The following SLC6A5 variants were observed in gnomAD, a reference collection of about 807,000 sequenced individuals.
SLC6A5 encodes solute carrier family 6 member 5, also known as sodium- and chloride-dependent glycine transporter 2.
Under a neutral mutation model 90.5 loss-of-function variants are expected in SLC6A5, and 58 were observed. The ratio of observed to expected loss-of-function variants is 0.64; its 90% CI spans 0.52 to 0.80. The LOEUF (loss-of-function observed/expected upper bound fraction) is 0.80, where lower values mean the gene tolerates loss of function less well. SLC6A5 is among the 30% of genes least tolerant of loss of function. The pLI, the probability that SLC6A5 is intolerant of heterozygous loss-of-function variation, is 0.00. For missense variants in SLC6A5, 1,015 were observed against 1,017.6 expected (o/e 1.00, Z 0.03); for synonymous variants, 427 against 401.4 (o/e 1.06, Z -0.76).
chr11:20,646,713 A>G (rs1224193201), intron 13 of SLC6A5, 121 bp from the exon 14 acceptor site: 2 of 733,454 alleles, frequency 2.7e-6, no homozygotes, highest in African/African-American at 3.5e-5. Flanking sequence ...TCATGTTGAT[A>G]CAGGGCTGGG....
chr11:20,603,316 T>TC (rs1565270752), intron 2 of SLC6A5, among the ~76,000 whole-genome samples: 1 of 152,058 alleles, frequency 6.6e-6, no homozygotes, highest in African/African-American at 2.4e-5. Flanking sequence ...TGGGGTGGTC[T>TC]CCCCCCATTT....
Position 20,638,518 on chromosome 11 carries a change from C to T in SLC6A5, c.1929C>T (p.Ile643=), listed in dbSNP as rs774551994. The T allele has an allele frequency of 1.2e-5, 19 of 1,613,082 alleles. No individual in the cohort carries two copies. The highest frequency in any genetic ancestry group is 1.7e-5 in the Admixed American group (1 of 59,992). ...DTYAASYALV[I]IAIFELVGIS... ...ATGCTGCCTCCTATGCCCTTGTCATCATTGCCATTTTTGAGCTCGTGGGGA... is the reference window on the plus strand; with the variant it reads ...ATGCTGCCTCCTATGCCCTTGTCATTATTGCCATTTTTGAGCTCGTGGGGA... The change falls in exon 13 of 16, where the codon ATC becomes ATT. Residue 643 remains isoleucine, a synonymous_variant. Transcript: ENST00000525748.
chr11:20,654,767 C>A lies in SLC6A5; in HGVS notation c.2293C>A (p.His765Asn), dbSNP rs762850669. Residue 765 changes from histidine (H) to asparagine (N), a missense_variant, in exon 16 of 16, where the codon CAC (histidine) becomes AAC (asparagine). His to Asn is a moderately conservative substitution (Grantham distance 68). This residue lies in a region of SLC6A5 where 442 missense variants were observed against 494.3 expected (regional missense o/e 0.89). Transcript: ENST00000525748. The part of the protein sequence containing the change: ...QPDWGPFLAQ[H>N]RGERYKNMID... ...GGACTGGGGCCCATTCTTAGCTCAA[C>A]ACCGCGGGGAGCGTTACAAGAACAT... 100 of 1,614,164 alleles carry A rather than the reference C, an allele frequency of 6.2e-5. 2 individuals are homozygous for A. The South Asian group carries it at 9.9e-4, about 16-fold the overall frequency.
At chr11:20,632,478 C>G (rs571506895) in intron 10 of SLC6A5, among the ~76,000 whole-genome samples, 48 of 152,220 alleles carry the variant, frequency 3.2e-4, no homozygotes, top group African/African-American at 1.2e-3. Flanking sequence ...TTTCTCCTTT[C>G]CAATGTTTTT....
intron 15 of SLC6A5, among the ~76,000 whole-genome samples, chr11:20,653,284 G>A (rs1008983100): frequency 6.6e-6 from 1 of 152,194 alleles, no homozygotes; most frequent in African/African-American, 2.4e-5. Flanking sequence ...CTGAGAACTT[G>A]TTGGAAATGC....
In SLC6A5 at chr11:20,601,266, G is replaced by T. The variant is rs1329197322; in HGVS notation, c.141G>T (p.Pro47=). ...AGCTTCCCGCGGCTGCCGCCCCGCC[G>T]CCGCCACGTGTGCCCAGGTCCGCTT... is the stretch of plus-strand genomic sequence containing the variant. ...EQELPAAAAP[P]PPRVPRSAST... The change falls in exon 2 of 16, where the codon CCG becomes CCT. Residue 47 remains proline (P), a synonymous_variant. Coordinates refer to ENST00000525748, the MANE Select transcript of SLC6A5 (RefSeq NM_004211.5). 1.3e-6 allele frequency: 2 copies of T among 1,584,618 alleles called. No homozygotes were observed. Among genetic ancestry groups the T allele is most frequent in the Non-Finnish European group, 1.7e-6 (2 of 1,172,616 alleles).
rs1590169793 is a variant in SLC6A5 at position 20,628,089 on chromosome 11, T to C, written c.1499+6T>C. On this transcript the variant is annotated splice_donor_region_variant and intron_variant, in intron 9 of 15. Transcript: ENST00000525748. ...TTCCACAACAACTGCTACAGGTATGTAGAGGTACTACAAGATCTGGGCATA... is the reference window on the plus strand; with the variant it reads ...TTCCACAACAACTGCTACAGGTATGCAGAGGTACTACAAGATCTGGGCATA... 6.2e-7 allele frequency: 1 copy of C among 1,605,644 alleles called. No homozygotes were observed. The highest frequency in any genetic ancestry group is 8.5e-7 in the Non-Finnish European group (1 of 1,172,320).
At chr11:20,624,092 ATAAG>A (rs896160226) in intron 7 of SLC6A5, among the ~76,000 whole-genome samples, 74 of 151,288 alleles carry the variant, frequency 4.9e-4, no homozygotes, top group African/African-American at 1.7e-3. Context: ...AAATATATAT[ATAAG>A]TATGTATATT....
In SLC6A5 at chr11:20,601,436, A is replaced by T. The variant is rs766722830; in HGVS notation, c.311A>T (p.Gln104Leu). The change falls in exon 2 of 16, where the codon CAG becomes CTG. Residue 104 changes from glutamine (Q) to leucine (L), a missense_variant. Physicochemically the swap from Gln to Leu is moderately radical, Grantham distance 113. Around this residue, in one of 3 missense-constraint regions of SLC6A5, gnomAD observed 567 missense variants for 507.3 expected, o/e 1.12. Coordinates refer to ENST00000525748, the MANE Select transcript of SLC6A5 (RefSeq NM_004211.5). ...LRDLREAQGAQASPPPGSSGP... is the reference protein window; with the variant it reads ...LRDLREAQGALASPPPGSSGP... ...GACTTGAGAGAGGCGCAAGGCGCGC[A>T]GGCCTCGCCCCCTCCCGGGAGCTCC... The T allele has an allele frequency of 8.1e-6, 13 of 1,606,818 alleles. No homozygotes were observed. The highest frequency in any genetic ancestry group is 1.1e-5 in the Non-Finnish European group (13 of 1,176,864).
chr11:20,656,805 T>G lies in SLC6A5; in HGVS notation c.*1937T>G, dbSNP rs1055759692. 1 of 152,132 alleles carries G rather than the reference T, an allele frequency of 6.6e-6. No homozygotes were observed. Among genetic ancestry groups the G allele is most frequent in the Non-Finnish European group, 1.5e-5 (1 of 68,032 alleles). 9.4% of individuals were successfully genotyped at this position (152,132 alleles called of 1,614,324 possible). A position where few individuals can be genotyped will look rare whatever the true frequency, so the allele number is the denominator to read the frequency against. On this transcript the variant is annotated 3_prime_UTR_variant, in exon 16 of 16. Transcript: ENST00000525748. Reference sequence around the variant, plus strand: ...TATCATAGAGACTAAACCTTGAGCTTCCCCTAAACTTAGCTTTAGGAAGCT... The same window carrying G: ...TATCATAGAGACTAAACCTTGAGCTGCCCCTAAACTTAGCTTTAGGAAGCT...
At position 20,659,064 on chromosome 11, in the gene SLC6A5, T is replaced by G. The variant is rs1159788698; in HGVS notation, c.*4196T>G. The G allele has an allele frequency of 1.4e-5, 2 of 143,908 alleles. No homozygotes were observed. Among genetic ancestry groups the G allele is most frequent in the African/African-American group, 5.2e-5 (2 of 38,234 alleles). The allele number at this position is 143,908 out of a possible 1,614,324, so 8.9% of individuals were successfully genotyped here. ...TTACAAATGATGCATCATATATATATATATATATATATATATATCTTATAG... is the reference window on the plus strand; with the variant it reads ...TTACAAATGATGCATCATATATATAGATATATATATATATATATCTTATAG... On this transcript the variant is annotated 3_prime_UTR_variant, in exon 16 of 16. Coordinates refer to ENST00000525748, the MANE Select transcript of SLC6A5 (RefSeq NM_004211.5).
At chr11:20,604,075 T>C (rs150199697) in intron 2 of SLC6A5, among the ~76,000 whole-genome samples, 2 of 152,242 alleles carry the variant, frequency 1.3e-5, no homozygotes, top group African/African-American at 4.8e-5. Flanking sequence ...ACCTGCTTGC[T>C]GATTGACTCT....
At chr11:20,604,512 C>A in intron 3 of SLC6A5, 88 bp downstream of exon 3, 2 of 1,528,418 alleles carry the variant, frequency 1.3e-6, no homozygotes, top group Non-Finnish European at 8.9e-7. Context: ...GCAGGGCCGC[C>A]GGGCGGGGAG....
Position 20,604,329 on chromosome 11 carries a change from C to G in SLC6A5, c.584C>G (p.Ser195Cys). 6.2e-7 allele frequency: 1 copy of G among 1,613,946 alleles called. No individual in the cohort carries two copies. Among genetic ancestry groups the G allele is most frequent in the Non-Finnish European group, 8.5e-7 (1 of 1,179,882 alleles). ...GAGAATAAGGCCCGAGGGAACTGGT[C>G]CAGCAAACTGGACTTCATCCTGTCC... is the stretch of plus-strand genomic sequence containing the variant. Reference protein sequence around the residue: ...GDENKARGNWSSKLDFILSMV... With the variant: ...GDENKARGNWCSKLDFILSMV... Residue 195 changes from serine (S) to cysteine (C), a missense_variant, in exon 3 of 16, where the codon TCC becomes TGC. Ser to Cys is a moderately radical substitution (Grantham distance 112). Around this residue, in one of 3 missense-constraint regions of SLC6A5, gnomAD observed 567 missense variants for 507.3 expected, o/e 1.12. Coordinates refer to ENST00000525748, the MANE Select transcript of SLC6A5 (RefSeq NM_004211.5).
In SLC6A5 at chr11:20,614,562, G is replaced by T. The variant is rs563495935; in HGVS notation, c.986-117G>T. 207 of 929,014 alleles carry T rather than the reference G, an allele frequency of 2.2e-4. 1 individual carries two copies. In the Middle Eastern group the frequency reaches 3.4e-3, roughly 15 times the overall value. 57.5% of individuals were successfully genotyped at this position (929,014 alleles called of 1,614,324 possible). A position where few individuals can be genotyped will look rare whatever the true frequency, so the allele number is the denominator to read the frequency against. On this transcript the variant is annotated intron_variant, in intron 5 of 15. Coordinates refer to ENST00000525748, the MANE Select transcript of SLC6A5 (RefSeq NM_004211.5). Reference sequence around the variant, plus strand: ...TTGCCCAGTTAATCCTTTCCTGAAGGTACTCTCCAATATTTGCAAATGTTT... The same window carrying T: ...TTGCCCAGTTAATCCTTTCCTGAAGTTACTCTCCAATATTTGCAAATGTTT...
intron 5 of SLC6A5, among the ~76,000 whole-genome samples, chr11:20,613,293 G>A (rs1034691482): frequency 1.3e-5 from 2 of 152,180 alleles, no homozygotes; most frequent in Non-Finnish European, 2.9e-5. Flanking sequence ...TGCCATAAAC[G>A]TGGTAACTGC....
At chr11:20,607,678 G>A (rs749692694) in intron 5 of SLC6A5, 26 bp downstream of exon 5, 3 of 1,579,980 alleles carry the variant, frequency 1.9e-6, no homozygotes, top group Middle Eastern at 1.7e-4. Context: ...CCTGCTTTAG[G>A]TGTGTGTATT....
chr11:20,625,090 G>A (rs1031485830), intron 7 of SLC6A5, among the ~76,000 whole-genome samples: 6 of 152,142 alleles, frequency 3.9e-5, no homozygotes, highest in African/African-American at 7.2e-5. Flanking sequence ...ACCCAGGCTC[G>A]TGGGACTGCA....
intron 14 of SLC6A5, among the ~76,000 whole-genome samples, chr11:20,647,481 CTATATA>C (rs1216826749): frequency 7.1e-6 from 1 of 141,808 alleles, no homozygotes; most frequent in African/African-American, 2.7e-5. Flanking sequence ...ATATCAGTTC[CTATATA>C]TATATATAAA....
Sources: gnomAD v4.1 joint callset for allele counts (sites outside exome capture counted in the v4.1 genomes callset) on GRCh38, gnomAD v4.1.1 for gene constraint, gnomAD v4.1.1 regional missense constraint, MANE v1.5 for transcripts, NCBI Gene and HGNC (gene_info 2026-07-23, HGNC 2026-07-21) for gene names.